The following C11orf86 variants were observed in gnomAD, a reference collection of about 807,000 sequenced individuals.
C11orf86 encodes uncharacterized protein C11orf86.
Under a neutral mutation model 11.1 loss-of-function variants are expected in C11orf86, and 13 were observed. The ratio of observed to expected loss-of-function variants is 1.17; its 90% CI spans 0.76 to 1.86. C11orf86 has a LOEUF of 1.86. Ranked by LOEUF, C11orf86 falls within the 40% of genes most tolerant of loss-of-function variation. The probability of loss-of-function intolerance (pLI) is 0.00; values close to 1 mark genes in which losing one functional copy is unlikely to be tolerated. For missense variants in C11orf86, 144 were observed against 146.5 expected, an observed-to-expected ratio of 0.98 and a Z score of 0.09; for synonymous variants, 86 against 64.7, an observed-to-expected ratio of 1.33 and a Z score of -1.58.
intron 1 of C11orf86, among the ~76,000 whole-genome samples, chr11:66,975,918 TG>T (rs1377662378): frequency 3.9e-5 from 6 of 152,108 alleles, no homozygotes; most frequent in Admixed American, 3.9e-4. Context: ...GTATGCTGGA[TG>T]GGGGAATAGA....
Position 66,976,780 on chromosome 11 carries a change from C to T in C11orf86, c.*529C>T, listed in dbSNP as rs1279452109. ...GGTGAGCCCTCTGGGGCAAGGACCACAGCTGGGTGGCCCTCCTGGCTGAGC... is the reference window on the plus strand; with the variant it reads ...GGTGAGCCCTCTGGGGCAAGGACCATAGCTGGGTGGCCCTCCTGGCTGAGC... On this transcript the variant is annotated 3_prime_UTR_variant, in exon 2 of 2. Coordinates refer to ENST00000683896, the MANE Select transcript of C11orf86 (RefSeq NM_001353554.2). 1.3e-5 allele frequency: 2 copies of T among 154,076 alleles called. No homozygotes were observed. Among genetic ancestry groups the T allele is most frequent in the Non-Finnish European group, 2.9e-5 (2 of 69,312 alleles). 9.5% of individuals were successfully genotyped at this position (154,076 alleles called of 1,614,324 possible). A position where few individuals can be genotyped will look rare whatever the true frequency, so the allele number is the denominator to read the frequency against.
At chr11:66,976,046 C>G in intron 1 of C11orf86, 131 bp from the exon 2 acceptor site, 1 of 871,736 alleles carries the variant, frequency 1.1e-6, no homozygotes, top group Non-Finnish European at 1.8e-6. Flanking sequence ...AGGCTCCCTC[C>G]TCTAAGAGAC....
intron 1 of C11orf86, among the ~76,000 whole-genome samples, chr11:66,975,882 T>A (rs1649255261): frequency 6.6e-6 from 1 of 152,132 alleles, no homozygotes; most frequent in African/African-American, 2.4e-5. Context: ...GGTGATATGG[T>A]AAGCGCTGTT....
Position 66,976,692 on chromosome 11 carries a change from G to T in C11orf86, c.*441G>T, listed in dbSNP as rs1029281729. ...GGACGTTGCCTGGTCACTGGGCCAT[G>T]ACCCAACTGCCCTTCTTGTCAGTTG... On this transcript the variant is annotated 3_prime_UTR_variant, in exon 2 of 2. Transcript: ENST00000683896. 1.2e-5 allele frequency: 2 copies of T among 163,606 alleles called. No individual in the cohort carries two copies. Among genetic ancestry groups the T allele is most frequent in the Admixed American group, 1.2e-4 (2 of 16,684 alleles). 10.1% of individuals were successfully genotyped at this position (163,606 alleles called of 1,614,324 possible).
At position 66,975,461 on chromosome 11, in the gene C11orf86, C is replaced by A. The variant is rs1217446428; in HGVS notation, c.99C>A (p.Arg33=). The change falls in exon 1 of 2, where the codon CGC becomes CGA. Residue 33 remains arginine, a synonymous_variant. Coordinates refer to ENST00000683896, the MANE Select transcript of C11orf86 (RefSeq NM_001353554.2). ...GGAGGCCCCAGGAGGGCCAACTCCG[C>A]AGGGCGCTAAGCCTCAGACAGGGGC... ...PWGRPQEGQL[R]RALSLRQGQE... is the part of the protein sequence containing the mutation. 6.4e-7 allele frequency: 1 copy of A among 1,551,154 alleles called. No individual in the cohort carries two copies. The highest frequency in any genetic ancestry group is 8.7e-7 in the Non-Finnish European group (1 of 1,146,886).
Position 66,975,325 on chromosome 11 carries a change from G to T in C11orf86, c.-38G>T. ...CCTCAGAGGGCCAGTGTCTTGCTGA[G>T]GGGCCGGAGCAGTCCTGTGCCTGCA... On this transcript the variant is annotated 5_prime_UTR_variant, in exon 1 of 2. It adds an upstream start codon to the 5' untranslated region. Coordinates refer to ENST00000683896, the MANE Select transcript of C11orf86 (RefSeq NM_001353554.2). The T allele has an allele frequency of 6.6e-7, 1 of 1,522,466 alleles. No homozygotes were observed. The highest frequency in any genetic ancestry group is 1.3e-5 in the South Asian group (1 of 78,692). 94.3% of individuals were successfully genotyped at this position (1,522,466 alleles called of 1,614,324 possible).
intron 1 of C11orf86, 55 bp from the exon 2 acceptor site, chr11:66,976,122 C>T: frequency 6.6e-7 from 1 of 1,519,266 alleles, no homozygotes; most frequent in South Asian, 1.2e-5. Flanking sequence ...ATGGGTGGAA[C>T]AACATCTAAG....
At chr11:66,976,140 C>T in intron 1 of C11orf86, 37 bp from the exon 2 acceptor site, 6 of 1,547,202 alleles carry the variant, frequency 3.9e-6, no homozygotes, top group Non-Finnish European at 5.2e-6. Context: ...AAGCCCACCA[C>T]TCAGCCCATG....
intron 1 of C11orf86, 149 bp downstream of exon 1, chr11:66,975,787 C>T (rs984140056): frequency 8.1e-7 from 1 of 1,235,410 alleles, no homozygotes; most frequent in Non-Finnish European, 1.1e-6. Flanking sequence ...AGAGACACCC[C>T]AGAGCCACGT....
At position 66,976,607 on chromosome 11, in the gene C11orf86, C is replaced by T. The variant is rs1341433335; in HGVS notation, c.*356C>T. 4.2e-6 allele frequency: 1 copy of T among 236,554 alleles called. No individual in the cohort carries two copies. Among genetic ancestry groups the T allele is most frequent in the Non-Finnish European group, 8.2e-6 (1 of 121,410 alleles). 14.7% of individuals were successfully genotyped at this position (236,554 alleles called of 1,614,324 possible). A position where few individuals can be genotyped will look rare whatever the true frequency, so the allele number is the denominator to read the frequency against. On this transcript the variant is annotated 3_prime_UTR_variant, in exon 2 of 2. Transcript: ENST00000683896. Reference sequence around the variant, plus strand: ...CTGTGGACGCTCCTGCCCCACACGACCAGCTGTCAACTTCCAGGACGGAGC... The same window carrying T: ...CTGTGGACGCTCCTGCCCCACACGATCAGCTGTCAACTTCCAGGACGGAGC...
rs1253309963 is a variant in C11orf86 at position 66,975,306 on chromosome 11, A to C, written c.-57A>C. 6.6e-7 allele frequency: 1 copy of C among 1,515,334 alleles called. No homozygotes were observed. The highest frequency in any genetic ancestry group is 1.3e-5 in the South Asian group (1 of 77,812). The allele number at this position is 1,515,334 out of a possible 1,614,324, so 93.9% of individuals were successfully genotyped here. On this transcript the variant is annotated 5_prime_UTR_variant, in exon 1 of 2. Transcript: ENST00000683896. ...GGGTGGAGGCACTGGGCCACCTCAG[A>C]GGGCCAGTGTCTTGCTGAGGGGCCG...
rs1334363979 is a variant in C11orf86 at position 66,976,326 on chromosome 11, G to A, written c.*75G>A. 45 of 1,460,342 alleles carry A rather than the reference G, an allele frequency of 3.1e-5. 1 individual carries two copies. The highest frequency in any genetic ancestry group is 1.6e-4 in the South Asian group (13 of 82,160). The allele number at this position is 1,460,342 out of a possible 1,614,324, so 90.5% of individuals were successfully genotyped here. On this transcript the variant is annotated 3_prime_UTR_variant, in exon 2 of 2. Coordinates refer to ENST00000683896, the MANE Select transcript of C11orf86 (RefSeq NM_001353554.2). ...CTTGCTGTGCCTGGACCAGCCCACCGTGTCTGCTGACCTACCTCTTCACAG... is the reference window on the plus strand; with the variant it reads ...CTTGCTGTGCCTGGACCAGCCCACCATGTCTGCTGACCTACCTCTTCACAG...
Position 66,976,475 on chromosome 11 carries a change from A to G in C11orf86, c.*224A>G. ...AGCACTAGCTCTCTTTGAAGATCCC[A>G]GCAGGGTCAAAAAGAAGGGGGCTCA... On this transcript the variant is annotated 3_prime_UTR_variant, in exon 2 of 2. Coordinates refer to ENST00000683896, the MANE Select transcript of C11orf86 (RefSeq NM_001353554.2). The G allele has an allele frequency of 3.5e-6, 2 of 574,140 alleles. No homozygotes were observed. Among genetic ancestry groups the G allele is most frequent in the Non-Finnish European group, 3.1e-6 (1 of 321,008 alleles). The allele number at this position is 574,140 out of a possible 1,614,324, so 35.6% of individuals were successfully genotyped here. A position where few individuals can be genotyped will look rare whatever the true frequency, so the allele number is the denominator to read the frequency against.
chr11:66,976,294 T>C lies in C11orf86; in HGVS notation c.*43T>C. On this transcript the variant is annotated 3_prime_UTR_variant, in exon 2 of 2. Coordinates refer to ENST00000683896, the MANE Select transcript of C11orf86 (RefSeq NM_001353554.2). ...CAGCTAAAGATGCTGGAAGCCATCGTGGCCCCCTTGCTGTGCCTGGACCAG... is the reference window on the plus strand; with the variant it reads ...CAGCTAAAGATGCTGGAAGCCATCGCGGCCCCCTTGCTGTGCCTGGACCAG... 6.5e-7 allele frequency: 1 copy of C among 1,541,646 alleles called. No individual in the cohort carries two copies. The highest frequency in any genetic ancestry group is 1.2e-5 in the South Asian group (1 of 83,890).
chr11:66,975,427 A>G lies in C11orf86; in HGVS notation c.65A>G (p.Glu22Gly). The G allele has an allele frequency of 6.4e-7, 1 of 1,550,948 alleles. No homozygotes were observed. The highest frequency in any genetic ancestry group is 8.7e-7 in the Non-Finnish European group (1 of 1,146,880). ...CGACCCTCCTATGGAAAGCTGCAGG[A>G]GCCCTGGGGGAGGCCCCAGGAGGGC... ...EPRPSYGKLQ[E>G]PWGRPQEGQL... Residue 22 changes from glutamate (E) to glycine (G), a missense_variant, in exon 1 of 2, where the codon GAG becomes GGG. By Grantham distance (98) the Glu-to-Gly change is moderately conservative. Coordinates refer to ENST00000683896, the MANE Select transcript of C11orf86 (RefSeq NM_001353554.2).
chr11:66,976,289 C>A lies in C11orf86; in HGVS notation c.*38C>A. 6.5e-7 allele frequency: 1 copy of A among 1,543,570 alleles called. No homozygotes were observed. Among genetic ancestry groups the A allele is most frequent in the Admixed American group, 2.0e-5 (1 of 50,998 alleles). Reference sequence around the variant, plus strand: ...ACCATCAGCTAAAGATGCTGGAAGCCATCGTGGCCCCCTTGCTGTGCCTGG... The same window carrying A: ...ACCATCAGCTAAAGATGCTGGAAGCAATCGTGGCCCCCTTGCTGTGCCTGG... On this transcript the variant is annotated 3_prime_UTR_variant, in exon 2 of 2. Transcript: ENST00000683896.
Position 66,976,196 on chromosome 11 carries a change from A to G in C11orf86, c.296A>G (p.Glu99Gly). The G allele has an allele frequency of 6.4e-7, 1 of 1,551,440 alleles. No homozygotes were observed. Among genetic ancestry groups the G allele is most frequent in the African/African-American group, 1.4e-5 (1 of 73,180 alleles). ...RYQQQVRRRW[E>G]SFVAIFPSVT... Reference sequence around the variant, plus strand: ...TTCCAGCAGGTAAGAAGAAGGTGGGAGAGCTTTGTCGCCATCTTCCCCAGC... The same window carrying G: ...TTCCAGCAGGTAAGAAGAAGGTGGGGGAGCTTTGTCGCCATCTTCCCCAGC... The change falls in exon 2 of 2, where the codon GAG becomes GGG. Residue 99 changes from glutamate (E) to glycine (G), a missense_variant. Physicochemically the swap from Glu to Gly is moderately conservative, Grantham distance 98. Coordinates refer to ENST00000683896, the MANE Select transcript of C11orf86 (RefSeq NM_001353554.2).
In C11orf86 at chr11:66,976,336, A is replaced by AC; in HGVS notation, c.*87dup. ...CTGGACCAGCCCACCGTGTCTGCTG[A>AC]CCTACCTCTTCACAGCTCTCTGGAC... On this transcript the variant is annotated 3_prime_UTR_variant, in exon 2 of 2. Coordinates refer to ENST00000683896, the MANE Select transcript of C11orf86 (RefSeq NM_001353554.2). 1 of 1,400,836 alleles carries AC rather than the reference A, an allele frequency of 7.1e-7. No homozygotes were observed. Among genetic ancestry groups the AC allele is most frequent in the Non-Finnish European group, 9.8e-7 (1 of 1,020,890 alleles). The allele number at this position is 1,400,836 out of a possible 1,614,324, so 86.8% of individuals were successfully genotyped here. A position where few individuals can be genotyped will look rare whatever the true frequency, so the allele number is the denominator to read the frequency against.
chr11:66,975,660 T>C, intron 1 of C11orf86, 22 bp downstream of exon 1: 1 of 1,543,508 alleles, frequency 6.5e-7, no homozygotes, highest in Non-Finnish European at 8.7e-7. Context: ...GGCTGAAGGA[T>C]GGAGGGTACC....
Sources: gnomAD v4.1 joint callset for allele counts (sites outside exome capture counted in the v4.1 genomes callset) on GRCh38, gnomAD v4.1.1 for gene constraint, MANE v1.5 for transcripts, NCBI Gene and HGNC (gene_info 2026-07-23, HGNC 2026-07-21) for gene names.